ASAP1: variants seen among roughly 807,000 people sequenced by gnomAD.
ASAP1 encodes arf-GAP with SH3 domain, ANK repeat and PH domain-containing protein 1.
In ASAP1, 43 loss-of-function variants were observed where a neutral mutation model predicts 145.2. The observed-to-expected ratio is 0.30, with a 90% CI of 0.23 to 0.38. The LOEUF is 0.38. Ranked by LOEUF, ASAP1 falls within the 10% of genes least tolerant of loss-of-function variation. The probability of loss-of-function intolerance (pLI) is 1.00; values close to 1 mark genes in which losing one functional copy is unlikely to be tolerated. For synonymous variants in ASAP1, 546 were observed against 515.5 expected (o/e 1.06, Z -0.80); for missense variants, 1,018 against 1,355.3 (o/e 0.75, Z 3.91).
At chr8:130,242,948 C>T (rs972918561) in intron 3 of ASAP1, among the ~76,000 whole-genome samples, 1 of 152,096 alleles carries the variant, frequency 6.6e-6, no homozygotes, top group Non-Finnish European at 1.5e-5. Flanking sequence ...CTGTGGGGAT[C>T]CTGGAACCAA....
chr8:130,232,419 A>T (rs1433124749), intron 4 of ASAP1, among the ~76,000 whole-genome samples: 2 of 152,226 alleles, frequency 1.3e-5, no homozygotes, highest in African/African-American at 4.8e-5. Flanking sequence ...TGTGTTTCAC[A>T]GATTAATAAT....
At chr8:130,354,641 T>A (rs11784041) in intron 3 of ASAP1, among the ~76,000 whole-genome samples, 1 of 152,000 alleles carries the variant, frequency 6.6e-6, no homozygotes, top group African/African-American at 2.4e-5. Flanking sequence ...ACTTAAAAAT[T>A]GTCAAGAGTA....
intron 15 of ASAP1, among the ~76,000 whole-genome samples, chr8:130,129,103 C>A (rs1032460672): frequency 6.6e-6 from 1 of 152,128 alleles, no homozygotes; most frequent in African/African-American, 2.4e-5. Context: ...TCCCTCTTTG[C>A]TCCACACACT....
chr8:130,080,115 G>T, intron 25 of ASAP1, 144 bp from the exon 26 acceptor site: 1 of 703,654 alleles, frequency 1.4e-6, no homozygotes, highest in Non-Finnish European at 2.5e-6. Flanking sequence ...TGCATTTCTG[G>T]CCTAAGACCA....
At chr8:130,260,055 T>G (rs369099478) in intron 3 of ASAP1, among the ~76,000 whole-genome samples, 9 of 152,226 alleles carry the variant, frequency 5.9e-5, no homozygotes, top group East Asian at 5.8e-4. Flanking sequence ...GACAATGTTG[T>G]TCATTTATAC....
chr8:130,150,052 T>C (rs2097642453), intron 13 of ASAP1, among the ~76,000 whole-genome samples: 2 of 152,194 alleles, frequency 1.3e-5, no homozygotes, highest in African/African-American at 2.4e-5. Context: ...CTAACGGTAA[T>C]AGCAGCAATA....
At chr8:130,398,578 G>GGCAGTA (rs1828638689) in intron 2 of ASAP1, among the ~76,000 whole-genome samples, 1 of 152,112 alleles carries the variant, frequency 6.6e-6, no homozygotes, top group South Asian at 2.1e-4. Context: ...TATCAGAAGT[G>GGCAGTA]GCAGTAGCAG....
chr8:130,057,531 C>T (rs1564910278), intron 29 of ASAP1, among the ~76,000 whole-genome samples: 1 of 152,116 alleles, frequency 6.6e-6, no homozygotes, highest in Admixed American at 6.5e-5. Flanking sequence ...TCACTGCAAC[C>T]TGTGCCTCCC....
chr8:130,234,932 T>C (rs1316302179), intron 4 of ASAP1, among the ~76,000 whole-genome samples: 2 of 152,180 alleles, frequency 1.3e-5, no homozygotes, highest in African/African-American at 4.8e-5. Flanking sequence ...CAAGAATTCA[T>C]CTAGCTGTCC....
intron 2 of ASAP1, among the ~76,000 whole-genome samples, chr8:130,366,438 G>C (rs1826952018): frequency 6.6e-6 from 1 of 152,110 alleles, no homozygotes; most frequent in South Asian, 2.1e-4. Context: ...AAGTCCAGTT[G>C]CCTATTGTGA....
rs1474716903 is a variant in ASAP1 at position 130,159,920 on chromosome 8, C to T, written c.954G>A (p.Gln318=). The T allele has an allele frequency of 6.2e-7, 1 of 1,614,092 alleles. No individual in the cohort carries two copies. The highest frequency in any genetic ancestry group is 1.1e-5 in the South Asian group (1 of 91,080). Residue 318 remains glutamine, a synonymous_variant, in exon 12 of 30, where the codon CAG becomes CAA. Coordinates refer to ENST00000518721, the MANE Select transcript of ASAP1 (RefSeq NM_018482.4). Reference sequence around the variant, plus strand: ...TTTCACTGCCATATTCCTTATTGCCCTGGAGCTGATGCATGCTGTATCCTC... The same window carrying T: ...TTTCACTGCCATATTCCTTATTGCCTTGGAGCTGATGCATGCTGTATCCTC... ...RQGGYSMHQL[Q]GNKEYGSEKK...
chr8:130,380,861 T>C (rs1827733766), intron 2 of ASAP1, among the ~76,000 whole-genome samples: 1 of 152,086 alleles, frequency 6.6e-6, no homozygotes, highest in Middle Eastern at 3.4e-3. Context: ...GGGAGTACAG[T>C]TGCGCACCAC....
chr8:130,404,429 G>C (rs1490689635), intron 1 of ASAP1, among the ~76,000 whole-genome samples: 1 of 152,146 alleles, frequency 6.6e-6, no homozygotes, highest in Non-Finnish European at 1.5e-5. Flanking sequence ...GTGTGGTACT[G>C]GCATAAGGAT....
At chr8:130,075,876 T>A (rs1458434779) in intron 27 of ASAP1, among the ~76,000 whole-genome samples, 1 of 152,220 alleles carries the variant, frequency 6.6e-6, no homozygotes, top group African/African-American at 2.4e-5. Context: ...AGGATTCCTT[T>A]GCCACCCACT....
At chr8:130,173,170 G>C (rs1368152955) in intron 9 of ASAP1, among the ~76,000 whole-genome samples, 1 of 152,230 alleles carries the variant, frequency 6.6e-6, no homozygotes, top group Admixed American at 6.5e-5. Flanking sequence ...ATTTCAGGGA[G>C]GGCCAAGTTC....
intron 4 of ASAP1, among the ~76,000 whole-genome samples, chr8:130,225,601 TAAA>T (rs1005684192): frequency 2.6e-5 from 4 of 152,084 alleles, no homozygotes; most frequent in Non-Finnish European, 5.9e-5. Flanking sequence ...TAATATTTGA[TAAA>T]AAAAGAACAC....
intron 2 of ASAP1, among the ~76,000 whole-genome samples, chr8:130,395,340 G>T (rs891387127): frequency 2.6e-5 from 4 of 152,164 alleles, no homozygotes; most frequent in African/African-American, 9.7e-5. Context: ...CCTCATCCAT[G>T]AATGTGGACT....
chr8:130,154,950 T>C (rs1322536679), intron 12 of ASAP1, among the ~76,000 whole-genome samples: 1 of 152,222 alleles, frequency 6.6e-6, no homozygotes, highest in African/African-American at 2.4e-5. Flanking sequence ...GAGCCACATT[T>C]GGTTAACGTG....
chr8:130,219,133 CTACT>C (rs1323853289), intron 4 of ASAP1, among the ~76,000 whole-genome samples: 2 of 150,790 alleles, frequency 1.3e-5, no homozygotes, highest in Non-Finnish European at 3.0e-5. Context: ...ATATCCATGA[CTACT>C]TACAATACAG....
Sources: gnomAD v4.1 joint callset for allele counts (sites outside exome capture counted in the v4.1 genomes callset) on GRCh38, gnomAD v4.1.1 for gene constraint, MANE v1.5 for transcripts, NCBI Gene and HGNC (gene_info 2026-07-23, HGNC 2026-07-21) for gene names.